The following PSORS1C1 variants were observed in gnomAD, a reference collection of about 807,000 sequenced individuals.
PSORS1C1 encodes the protein psoriasis susceptibility 1 candidate gene 1 protein.
PSORS1C1 carries 7 observed loss-of-function variants against 9.4 expected under a neutral mutation model. The observed-to-expected ratio is 0.75, with a 90% confidence interval of 0.42 to 1.40. PSORS1C1 has a LOEUF of 1.40. Among genes scored for constraint, PSORS1C1 ranks in the 40% most tolerant of loss-of-function variants. The pLI is 0.01. For synonymous variants in PSORS1C1, 63 were observed against 69.4 expected, an observed-to-expected ratio of 0.91 and a Z score of 0.46; for missense variants, 146 against 178.1, an observed-to-expected ratio of 0.82 and a Z score of 1.02.
At chr6:31,121,173 T>TTG (rs143856169) in intron 1 of PSORS1C1, among the ~76,000 whole-genome samples, 7 of 130,466 alleles carry the variant, frequency 5.4e-5, no homozygotes, top group South Asian at 2.7e-4. Flanking sequence ...GTGGCGGGGG[T>TTG]GGGGGGGTGC....
chr6:31,132,660 G>A (rs1179126678), intron 3 of PSORS1C1, among the ~76,000 whole-genome samples: 1 of 152,148 alleles, frequency 6.6e-6, no homozygotes, highest in Non-Finnish European at 1.5e-5. Context: ...GACCAGCCTG[G>A]GCAACATGGC....
rs749948651 is a variant in PSORS1C1 at position 31,138,708 on chromosome 6, C to T, written c.96C>T (p.Ser32=). Residue 32 remains serine (S), a synonymous_variant, in exon 5 of 6, where the codon AGC becomes AGT. Transcript: ENST00000259881. ...QGPQLLNTDP[S]SEETRPPHVN... ...CCCAGCTCCTTAACACAGATCCCAG[C>T]TCCGAGGAAACTCGTCCCCCCCACG... 1.9e-6 allele frequency: 3 copies of T among 1,606,930 alleles called. No individual in the cohort carries two copies. Among genetic ancestry groups the T allele is most frequent in the Non-Finnish European group, 2.5e-6 (3 of 1,177,882 alleles).
At chr6:31,116,711 A>G in intron 1 of PSORS1C1, 1 of 1,612,766 alleles carries the variant, frequency 6.2e-7, no homozygotes, top group Non-Finnish European at 8.5e-7. Flanking sequence ...CTGTCAGAGG[A>G]GCCACCCACC....
chr6:31,117,711 A>T (rs961656934), intron 1 of PSORS1C1: 1 of 619,104 alleles, frequency 1.6e-6, no homozygotes, highest in African/African-American at 1.8e-5. Context: ...GTGGCCGAAT[A>T]AAGGCATTTC....
chr6:31,114,994 C>T (rs1772029438), intron 1 of PSORS1C1, 103 bp downstream of exon 1: 1 of 423,372 alleles, frequency 2.4e-6, no homozygotes. Flanking sequence ...AAGGGGGACC[C>T]CACGGTGAAT....
rs558483001 is a variant in PSORS1C1, at chr6:31,139,124, A to G, written c.167+345A>G. 6.3e-5 allele frequency: 58 copies of G among 916,838 alleles called. No homozygotes were observed. Among genetic ancestry groups the G allele is most frequent in the Non-Finnish European group, 9.5e-5 (54 of 566,482 alleles). The allele number at this position is 916,838 out of a possible 1,614,324, so 56.8% of individuals were successfully genotyped here. A position where few individuals can be genotyped will look rare whatever the true frequency, so the allele number is the denominator to read the frequency against. On this transcript the variant is annotated intron_variant, in intron 5 of 5. Transcript: ENST00000259881. The surrounding 1 kb of genome is among the most constrained non-coding windows in gnomAD (Gnocchi z 5.2). ...GGAGGAGTGGAGGAGGGACCAGCCC[A>G]GTGGCACAGGAATACCATCAGAACA...
At chr6:31,117,770 G>T (rs3130555) in intron 1 of PSORS1C1, 42 of 554,068 alleles carry the variant, frequency 7.6e-5, no homozygotes, top group Non-Finnish European at 1.2e-4. Flanking sequence ...TAGAAAATTA[G>T]GTGCCAAAGT....
rs1420388113 is a variant in PSORS1C1 at position 31,128,901 on chromosome 6, G to A, written c.-64-668G>A. Among the ~76,000 whole-genome samples the A allele has an allele frequency of 2.6e-5, 4 of 152,164 alleles. No individual in the cohort carries two copies. Among genetic ancestry groups the A allele is most frequent in the Non-Finnish European group, 4.4e-5 (3 of 68,032 alleles). On this transcript the variant is annotated intron_variant, in intron 2 of 5. Coordinates refer to ENST00000259881, the MANE Select transcript of PSORS1C1 (RefSeq NM_014068.3). The surrounding 1 kb of genome is among the most constrained non-coding windows in gnomAD (Gnocchi z 4.3). ...TAAACACAGAGCCCCTTGAGGGCAG[G>A]GAGGACTGAAACTGCTTCCTGGGAC...
chr6:31,138,063 G>A (rs1773240464), intron 3 of PSORS1C1: 1 of 1,543,190 alleles, frequency 6.5e-7, no homozygotes, highest in Non-Finnish European at 8.7e-7. Flanking sequence ...TGCCGGCCAA[G>A]GGTCGTCAGG....
chr6:31,118,089 CCAGA>C (rs1464318348), intron 1 of PSORS1C1: 1 of 155,620 alleles, frequency 6.4e-6, no homozygotes, highest in Non-Finnish European at 1.4e-5. Context: ...AAATCCTGGG[CCAGA>C]CAGTGGGACC....
At chr6:31,120,499 C>A in intron 1 of PSORS1C1, 2 of 1,247,316 alleles carry the variant, frequency 1.6e-6, no homozygotes, top group Non-Finnish European at 1.1e-6. Context: ...ATTCCCTGGG[C>A]AGGAGTCACT....
In PSORS1C1 at chr6:31,139,439, C is replaced by T. The variant is rs180770571; in HGVS notation, c.168-202C>T. ...TGGGCGTTGGGAAGCACCGTAATTA[C>T]AGGGTTGGGAGGCAGGATGCCTGCG... On this transcript the variant is annotated intron_variant, in intron 5 of 5. Transcript: ENST00000259881. This position sits in a 1 kb window ranked among gnomAD's most constrained non-coding sequence, Gnocchi z 5.2. 1.7e-6 allele frequency: 1 copy of T among 602,952 alleles called. No individual in the cohort carries two copies. 37.4% of individuals were successfully genotyped at this position (602,952 alleles called of 1,614,324 possible).
chr6:31,123,513 G>A (rs1421900687), intron 1 of PSORS1C1, among the ~76,000 whole-genome samples: 2 of 152,244 alleles, frequency 1.3e-5, no homozygotes, highest in Non-Finnish European at 2.9e-5. Context: ...CAGCTCTGCT[G>A]TGTTCTACAG....
chr6:31,116,725 T>G, intron 1 of PSORS1C1: 1 of 1,612,824 alleles, frequency 6.2e-7, no homozygotes, highest in Non-Finnish European at 8.5e-7. Flanking sequence ...ACCCACCACC[T>G]CGTAGCCACC....
At chr6:31,138,043 G>T (rs1166392533) in intron 3 of PSORS1C1, 1 of 1,532,946 alleles carries the variant, frequency 6.5e-7, no homozygotes, top group East Asian at 2.3e-5. Flanking sequence ...TTTTCTGGGG[G>T]CTGGGGTCCT....
intron 3 of PSORS1C1, among the ~76,000 whole-genome samples, chr6:31,132,082 C>CA (rs35469868): frequency 5.3e-5 from 8 of 151,912 alleles, no homozygotes; most frequent in African/African-American, 1.7e-4. Context: ...CCAATCTCTA[C>CA]AAAAAAAATT....
intron 3 of PSORS1C1, among the ~76,000 whole-genome samples, chr6:31,132,383 A>G (rs10947139): frequency 0.23 from 33,293 of 146,974 alleles, 4,205 homozygotes; most frequent in African/African-American, 0.35. Context: ...TTAGCTGGGC[A>G]TAGTGGCGCA....
intron 2 of PSORS1C1, 55 bp from the exon 3 acceptor site, chr6:31,129,514 C>A: frequency 1.3e-6 from 1 of 744,264 alleles, no homozygotes; most frequent in South Asian, 1.5e-5. Context: ...ACTAAAATCT[C>A]CAATTGCCTC....
chr6:31,123,972 C>G (rs971181206), intron 1 of PSORS1C1, among the ~76,000 whole-genome samples: 1 of 152,118 alleles, frequency 6.6e-6, no homozygotes, highest in South Asian at 2.1e-4. Flanking sequence ...GGCAGCCAGA[C>G]GTGGGGCCTT....
Sources: gnomAD v4.1 joint callset for allele counts (sites outside exome capture counted in the v4.1 genomes callset) on GRCh38, gnomAD v4.1.1 for gene constraint, Gnocchi (gnomAD v3.1) non-coding constraint, MANE v1.5 for transcripts, NCBI Gene and HGNC (gene_info 2026-07-23, HGNC 2026-07-21) for gene names.